Variants in ZDHHC21 observed in about 807,000 individuals in gnomAD.
ZDHHC21 encodes zDHHC palmitoyltransferase 21.
In ZDHHC21, 15 loss-of-function variants were observed where a neutral mutation model predicts 34.6. That is an observed-to-expected ratio of 0.43 (90% CI 0.29 to 0.67). The LOEUF is 0.67. Among genes scored for constraint, ZDHHC21 ranks in the 30% least tolerant of loss-of-function variants. The pLI, the probability that ZDHHC21 is intolerant of heterozygous loss-of-function variation, is 0.14. For missense variants in ZDHHC21, 344 were observed against 327.7 expected, an observed-to-expected ratio of 1.05 and a Z score of -0.38; for synonymous variants, 142 against 101.8, an observed-to-expected ratio of 1.40 and a Z score of -2.38.
intron 8 of ZDHHC21, among the ~76,000 whole-genome samples, chr9:14,624,501 A>G (rs1259642515): frequency 2.0e-5 from 3 of 152,172 alleles, no homozygotes; most frequent in East Asian, 3.9e-4. Context: ...AGAATGAAGT[A>G]CGATCATTTG....
chr9:14,630,621 C>T (rs935913295), intron 8 of ZDHHC21, among the ~76,000 whole-genome samples: 1 of 152,200 alleles, frequency 6.6e-6, no homozygotes, highest in Non-Finnish European at 1.5e-5. Context: ...TCAGAGGAAT[C>T]ACTGTCTACA....
At chr9:14,602,729 A>C in the ZDHHC21 span, among the ~76,000 whole-genome samples, 1 of 152,100 alleles carries the variant, frequency 6.6e-6, no homozygotes, top group African/African-American at 2.4e-5. Flanking sequence ...ACATGAATGA[A>C]TCTCAAAAAT....
At chr9:14,636,580 TCAAC>T (rs1828350133) in intron 8 of ZDHHC21, among the ~76,000 whole-genome samples, 1 of 152,042 alleles carries the variant, frequency 6.6e-6, no homozygotes, top group Non-Finnish European at 1.5e-5. Context: ...ACAAAACATT[TCAAC>T]CAACAGCTAC....
chr9:14,633,584 C>A (rs1827754389), intron 8 of ZDHHC21, among the ~76,000 whole-genome samples: 1 of 152,140 alleles, frequency 6.6e-6, no homozygotes, highest in Non-Finnish European at 1.5e-5. Flanking sequence ...CCAGTGAGCC[C>A]AACAGCCCCT....
chr9:14,608,424 G>T (rs1564157123), downstream of ZDHHC21, among the ~76,000 whole-genome samples: 1 of 152,222 alleles, frequency 6.6e-6, no homozygotes, highest in East Asian at 1.9e-4. Context: ...TCAAATACGT[G>T]TCTACAGTAG....
chr9:14,649,709 T>G (rs927483053), intron 7 of ZDHHC21, among the ~76,000 whole-genome samples: 2 of 152,090 alleles, frequency 1.3e-5, no homozygotes, highest in African/African-American at 2.4e-5. Context: ...TAATCATATG[T>G]ATGCAATTGT....
At chr9:14,653,898 A>C (rs886584675) in intron 7 of ZDHHC21, among the ~76,000 whole-genome samples, 7 of 152,090 alleles carry the variant, frequency 4.6e-5, no homozygotes, top group African/African-American at 1.7e-4. Flanking sequence ...ATAAAATCCA[A>C]TTAATTAATA....
At chr9:14,669,287 T>A (rs1468590382) in intron 5 of ZDHHC21, among the ~76,000 whole-genome samples, 18 of 144,036 alleles carry the variant, frequency 1.2e-4, no homozygotes, top group African/African-American at 4.3e-4. Flanking sequence ...GAAATGCAAA[T>A]CAAAACCACT....
chr9:14,689,915 G>A (rs191687844), intron 2 of ZDHHC21, among the ~76,000 whole-genome samples: 1 of 152,144 alleles, frequency 6.6e-6, no homozygotes, highest in African/African-American at 2.4e-5. Flanking sequence ...TAGCTTGGGA[G>A]GTGTGGGGTG....
At chr9:14,663,540 CT>C (rs1833787056) in intron 5 of ZDHHC21, among the ~76,000 whole-genome samples, 1 of 54,384 alleles carries the variant, frequency 1.8e-5, no homozygotes, top group African/African-American at 7.6e-5. Context: ...TCTTTTTTTT[CT>C]CTTTTTTTTC....
At chr9:14,675,530 G>C (rs7039437) in intron 3 of ZDHHC21, among the ~76,000 whole-genome samples, 143,333 of 151,878 alleles carry the variant, frequency 0.94, 67,720 homozygotes, top group Middle Eastern at 0.98. Flanking sequence ...TGTCTAGGAA[G>C]CACTGACCCA....
intron 2 of ZDHHC21, among the ~76,000 whole-genome samples, chr9:14,688,680 CG>C (rs1183165240): frequency 6.6e-6 from 1 of 152,024 alleles, no homozygotes; most frequent in African/African-American, 2.4e-5. Context: ...TGGCCAACGT[CG>C]TGAAACCCCA....
rs1255178788 is a variant in ZDHHC21 at position 14,616,222 on chromosome 9, G to C, written c.*2744C>G. The C allele has an allele frequency of 6.6e-6, 1 of 151,556 alleles. No individual in the cohort carries two copies. The highest frequency in any genetic ancestry group is 1.5e-5 in the Non-Finnish European group (1 of 67,716). The allele number at this position is 151,556 out of a possible 1,614,324, so 9.4% of individuals were successfully genotyped here. A position where few individuals can be genotyped will look rare whatever the true frequency, so the allele number is the denominator to read the frequency against. On this transcript the variant is annotated 3_prime_UTR_variant, in exon 10 of 10. Coordinates refer to ENST00000380916, the MANE Select transcript of ZDHHC21 (RefSeq NM_178566.6). ...CATTTCTATGTTTTGTAATAAATTG[G>C]TAATTTCAAAGTAACAGCTTTTCCA... is the stretch of plus-strand genomic sequence containing the variant.
At chr9:14,594,727 A>G in the ZDHHC21 span, among the ~76,000 whole-genome samples, 10 of 152,310 alleles carry the variant, frequency 6.6e-5, no homozygotes, top group East Asian at 5.8e-4. Context: ...GCTTCAAAGG[A>G]TATCATTAAG....
At chr9:14,610,794 T>C (rs1823193759), downstream of ZDHHC21, among the ~76,000 whole-genome samples, 1 of 152,036 alleles carries the variant, frequency 6.6e-6, no homozygotes, top group Non-Finnish European at 1.5e-5. Flanking sequence ...ATAAATTGGG[T>C]GACTGAATCC....
At chr9:14,685,157 T>A (rs572798606) in intron 2 of ZDHHC21, among the ~76,000 whole-genome samples, 6 of 151,558 alleles carry the variant, frequency 4.0e-5, no homozygotes, top group South Asian at 4.2e-4. Context: ...GGACTTCATG[T>A]CTAAAACACC....
intron 6 of ZDHHC21, among the ~76,000 whole-genome samples, chr9:14,659,173 A>C (rs752986790): frequency 2.6e-4 from 39 of 152,130 alleles, no homozygotes; most frequent in Non-Finnish European, 5.1e-4. Context: ...TGTCACTGAT[A>C]TGGAAACAGG....
At chr9:14,607,872 T>C (rs533679596), downstream of ZDHHC21, among the ~76,000 whole-genome samples, 3 of 152,234 alleles carry the variant, frequency 2.0e-5, no homozygotes, top group African/African-American at 4.8e-5. Context: ...ACCCAAATTA[T>C]TGGAGACTTT....
chr9:14,610,688 G>T (rs764277715), downstream of ZDHHC21, among the ~76,000 whole-genome samples: 41 of 151,804 alleles, frequency 2.7e-4, no homozygotes, highest in Non-Finnish European at 5.0e-4. Context: ...TAGTGCCTAG[G>T]TGTAAACTTA....
Sources: gnomAD v4.1 joint callset for allele counts (sites outside exome capture counted in the v4.1 genomes callset) on GRCh38, gnomAD v4.1.1 for gene constraint, MANE v1.5 for transcripts, NCBI Gene and HGNC (gene_info 2026-07-23, HGNC 2026-07-21) for gene names.